SYNCRIP: variants seen among roughly 807,000 people sequenced by gnomAD.
SYNCRIP encodes heterogeneous nuclear ribonucleoprotein Q.
SYNCRIP carries 9 observed loss-of-function variants against 68.9 expected under a neutral mutation model. The observed-to-expected ratio is 0.13, with a 90% CI of 0.08 to 0.23. SYNCRIP has a LOEUF of 0.23. Among genes scored for constraint, SYNCRIP ranks in the 10% least tolerant of loss-of-function variants. The pLI is 1.00. For missense variants in SYNCRIP, 414 were observed against 770.6 expected (o/e 0.54, Z 5.48); for synonymous variants, 258 against 254.0 (o/e 1.02, Z -0.15).
intron 10 of SYNCRIP, 108 bp downstream of exon 10, chr6:85,618,710 T>C: frequency 1.1e-6 from 1 of 929,792 alleles, no homozygotes; most frequent in Non-Finnish European, 1.6e-6. Flanking sequence ...CAAGTCTTCT[T>C]TAAAGAGATG....
At chr6:85,635,199 G>A (rs1481852410) in intron 6 of SYNCRIP, among the ~76,000 whole-genome samples, 1 of 151,918 alleles carries the variant, frequency 6.6e-6, no homozygotes, top group Non-Finnish European at 1.5e-5. Context: ...GGATTTCTAA[G>A]GTACCTCTTT....
Position 85,622,697 on chromosome 6 carries a change from A to G in SYNCRIP, c.803-10T>C. On this transcript the variant is annotated splice_polypyrimidine_tract_variant and intron_variant, in intron 7 of 10. Transcript: ENST00000369622. ...ACGTCTGTAAGACCCTCTGCAAGTA[A>G]GCAACCATTCCAGGAAAATTAGATG... The G allele has an allele frequency of 6.2e-7, 1 of 1,611,200 alleles. No homozygotes were observed. Among genetic ancestry groups the G allele is most frequent in the Non-Finnish European group, 8.5e-7 (1 of 1,177,720 alleles).
At chr6:85,628,266 G>A (rs745963879) in intron 6 of SYNCRIP, among the ~76,000 whole-genome samples, 53 of 152,218 alleles carry the variant, frequency 3.5e-4, no homozygotes, top group Non-Finnish European at 5.0e-4. Context: ...ATGTTGGCCA[G>A]GCTGGTCTCG....
At chr6:85,629,516 CAAAAAAAAAAA>C (rs781083306) in intron 6 of SYNCRIP, among the ~76,000 whole-genome samples, 7 of 64,924 alleles carry the variant, frequency 1.1e-4, no homozygotes, top group Non-Finnish European at 1.8e-4. Context: ...ACTAAAAATA[CAAAAAAAAAAA>C]AAAAAAAAAA....
downstream of SYNCRIP, chr6:85,609,587 TCTGA>T (rs1324847777): frequency 1.3e-5 from 2 of 151,948 alleles, no homozygotes; most frequent in African/African-American, 4.8e-5. Flanking sequence ...ATTTTTAACA[TCTGA>T]TTCAGTGGCA....
intron 7 of SYNCRIP, 139 bp from the exon 8 acceptor site, chr6:85,622,826 G>T: frequency 1.4e-6 from 1 of 704,850 alleles, no homozygotes; most frequent in South Asian, 1.9e-5. Context: ...CTTTATAAAA[G>T]ACTATCAAAA....
chr6:85,618,983 C>CA, intron 9 of SYNCRIP, 44 bp from the exon 10 acceptor site: 5 of 1,554,862 alleles, frequency 3.2e-6, no homozygotes, highest in Non-Finnish European at 4.4e-6. Flanking sequence ...GACTTTCATA[C>CA]AATTATGATT....
intron 2 of SYNCRIP, among the ~76,000 whole-genome samples, chr6:85,640,842 G>C (rs895120157): frequency 2.0e-5 from 3 of 151,976 alleles, no homozygotes; most frequent in Non-Finnish European, 2.9e-5. Flanking sequence ...ACAGTATACA[G>C]ACTTACGAAT....
Position 85,614,751 on chromosome 6 carries a change from T to A in SYNCRIP, c.*5A>T, listed in dbSNP as rs1193367209. 1 of 1,578,246 alleles carries A rather than the reference T, an allele frequency of 6.3e-7. No homozygotes were observed. Among genetic ancestry groups the A allele is most frequent in the East Asian group, 2.2e-5 (1 of 44,738 alleles). On this transcript the variant is annotated 3_prime_UTR_variant, in exon 11 of 11. Coordinates refer to ENST00000369622, the MANE Select transcript of SYNCRIP (RefSeq NM_006372.5). ...GTCTCCAATTTTACAGAGGCCCTAC[T>A]GTTTCTACTTCCACTGTTGCCCAAA...
intron 6 of SYNCRIP, among the ~76,000 whole-genome samples, chr6:85,636,261 A>G (rs1019556418): frequency 6.6e-6 from 1 of 152,088 alleles, no homozygotes; most frequent in Non-Finnish European, 1.5e-5. Flanking sequence ...CCTGGCCAAC[A>G]TGGCGAAACC....
intron 6 of SYNCRIP, among the ~76,000 whole-genome samples, chr6:85,626,823 A>T (rs1357740337): frequency 6.6e-6 from 1 of 152,228 alleles, no homozygotes; most frequent in East Asian, 1.9e-4. Flanking sequence ...ACCCATCATC[A>T]CTAGCCCTGA....
chr6:85,640,580 G>GC lies in SYNCRIP; in HGVS notation c.149-17_149-16insG. The GC allele has an allele frequency of 1.3e-6, 2 of 1,482,018 alleles. No homozygotes were observed. The highest frequency in any genetic ancestry group is 1.8e-6 in the Non-Finnish European group (2 of 1,092,150). The allele number at this position is 1,482,018 out of a possible 1,614,324, so 91.8% of individuals were successfully genotyped here. On this transcript the variant is annotated splice_polypyrimidine_tract_variant and intron_variant, in intron 2 of 10. Transcript: ENST00000369622. Reference sequence around the variant, plus strand: ...GCAACTAGCCCTGAAAAAAATAAAAGTTATCAGCTTTTAATATTTTTAGAA... The same window carrying GC: ...GCAACTAGCCCTGAAAAAAATAAAAGCTTATCAGCTTTTAATATTTTTAGAA...
chr6:85,629,367 T>TA (rs1807434199), intron 6 of SYNCRIP, among the ~76,000 whole-genome samples: 1 of 152,128 alleles, frequency 6.6e-6, no homozygotes. Context: ...GTTTTCATGC[T>TA]AAACACACTA....
chr6:85,630,187 C>T (rs1807566634), intron 6 of SYNCRIP, among the ~76,000 whole-genome samples: 1 of 151,774 alleles, frequency 6.6e-6, no homozygotes, highest in Admixed American at 6.6e-5. Flanking sequence ...CGGTGAAACC[C>T]CGTCTCTACT....
At chr6:85,632,996 T>A (rs779374254) in intron 6 of SYNCRIP, among the ~76,000 whole-genome samples, 93 of 152,074 alleles carry the variant, frequency 6.1e-4, no homozygotes, top group Admixed American at 1.8e-3. Flanking sequence ...CTCACACCTG[T>A]AATCCCAGCA....
At chr6:85,624,262 C>G in intron 6 of SYNCRIP, 150 bp from the exon 7 acceptor site, 1 of 716,776 alleles carries the variant, frequency 1.4e-6, no homozygotes, top group Non-Finnish European at 2.2e-6. Flanking sequence ...ATTATATTAA[C>G]AAGACCCATT....
At chr6:85,630,388 C>T (rs9351064) in intron 6 of SYNCRIP, among the ~76,000 whole-genome samples, 138,680 of 152,272 alleles carry the variant, frequency 0.91, 63,317 homozygotes, top group East Asian at 1. Context: ...CAAAAAAAAT[C>T]GTAACGTGCA....
chr6:85,612,873 A>G, downstream of SYNCRIP: 1 of 1,550,552 alleles, frequency 6.4e-7, no homozygotes, highest in African/African-American at 1.4e-5. Context: ...CCACATAGCA[A>G]GTCAGTCTTC....
chr6:85,619,047 C>G, intron 9 of SYNCRIP, 108 bp from the exon 10 acceptor site: 5 of 1,224,886 alleles, frequency 4.1e-6, no homozygotes, highest in Non-Finnish European at 5.8e-6. Flanking sequence ...AAGAGAAAGC[C>G]CCATGCAGGC....
Sources: gnomAD v4.1 joint callset for allele counts (sites outside exome capture counted in the v4.1 genomes callset) on GRCh38, gnomAD v4.1.1 for gene constraint, MANE v1.5 for transcripts, NCBI Gene and HGNC (gene_info 2026-07-23, HGNC 2026-07-21) for gene names.